C10orf90: variants seen among roughly 807,000 people sequenced by gnomAD.
The protein encoded by C10orf90 is chromosome 10 open reading frame 90, also known as (E2-independent) E3 ubiquitin-conjugating enzyme FATS.
Under a neutral mutation model 62.5 loss-of-function variants are expected in C10orf90, and 56 were observed. The observed-to-expected ratio is 0.90, with a 90% CI of 0.72 to 1.12. C10orf90 has a LOEUF of 1.12. Among genes scored for constraint, C10orf90 ranks in the 50% most tolerant of loss-of-function variants. The probability of loss-of-function intolerance (pLI) is 0.00; values close to 1 mark genes in which losing one functional copy is unlikely to be tolerated. For synonymous variants in C10orf90, 386 were observed against 340.4 expected (o/e 1.13, Z -1.47); for missense variants, 970 against 880.4 (o/e 1.10, Z -1.29).
intron 2 of C10orf90, among the ~76,000 whole-genome samples, chr10:126,519,733 G>A (rs1863638018): frequency 6.6e-6 from 1 of 152,074 alleles, no homozygotes; most frequent in African/African-American, 2.4e-5. Flanking sequence ...AGTTTCTCTG[G>A]GAAGTCTTCC....
intron 2 of C10orf90, among the ~76,000 whole-genome samples, chr10:126,594,597 A>C (rs532669853): frequency 6.6e-6 from 1 of 152,222 alleles, no homozygotes; most frequent in Non-Finnish European, 1.5e-5. Flanking sequence ...ATATATAAAT[A>C]AGTAATTCAG....
intron 4 of C10orf90, among the ~76,000 whole-genome samples, chr10:126,489,208 A>G (rs1861590802): frequency 6.6e-6 from 1 of 152,186 alleles, no homozygotes. Flanking sequence ...TCCTGGAAAT[A>G]GTTAATGTAA....
intron 2 of C10orf90, among the ~76,000 whole-genome samples, chr10:126,635,881 C>T (rs1350671591): frequency 6.9e-6 from 1 of 144,678 alleles, no homozygotes; most frequent in African/African-American, 2.6e-5. Flanking sequence ...GTGATCTGTA[C>T]TCACTCCAAA....
chr10:126,498,887 G>A (rs1327031279), intron 4 of C10orf90, among the ~76,000 whole-genome samples: 1 of 152,178 alleles, frequency 6.6e-6, no homozygotes, highest in East Asian at 1.9e-4. Flanking sequence ...GCCCAGTCCT[G>A]CTTCCCTTCC....
At chr10:126,562,128 G>C (rs1369214239) in intron 2 of C10orf90, among the ~76,000 whole-genome samples, 1 of 152,160 alleles carries the variant, frequency 6.6e-6, no homozygotes, top group Non-Finnish European at 1.5e-5. Context: ...GCAGCTTCCT[G>C]CCGGCGTTAG....
In C10orf90 at chr10:126,504,779, T is replaced by C. The variant is rs1815356975; in HGVS notation, c.712A>G (p.Thr238Ala). 6.3e-7 allele frequency: 1 copy of C among 1,584,754 alleles called. No individual in the cohort carries two copies. The highest frequency in any genetic ancestry group is 8.6e-7 in the Non-Finnish European group (1 of 1,165,130). The change falls in exon 4 of 10, where the codon ACC becomes GCC. Residue 238 changes from threonine to alanine, a missense_variant. Transcript: ENST00000488181. The surrounding 1 kb of genome is among the most constrained non-coding windows in gnomAD (Gnocchi z 4.1). ...GGGCCCACGCGTCTGGCCGTGATGG[T>C]GATGGATGCAAACCCTCTGCGGGGG... ...GGPRRGFASI[T>A]ITARRVGPPA...
chr10:126,509,706 C>T (rs942200368), intron 3 of C10orf90, among the ~76,000 whole-genome samples: 7 of 152,106 alleles, frequency 4.6e-5, no homozygotes, highest in East Asian at 3.9e-4. Flanking sequence ...ACAACAAACT[C>T]GGAGATATTG....
intron 2 of C10orf90, among the ~76,000 whole-genome samples, chr10:126,554,729 G>T (rs1028016001): frequency 6.6e-6 from 1 of 152,136 alleles, no homozygotes; most frequent in Non-Finnish European, 1.5e-5. Flanking sequence ...AGCTAAAAAC[G>T]ACTTCTGATT....
intron 2 of C10orf90, among the ~76,000 whole-genome samples, chr10:126,627,739 G>A (rs1306550437): frequency 2.0e-5 from 3 of 152,156 alleles, no homozygotes; most frequent in African/African-American, 7.2e-5. Context: ...CAACTCCTAG[G>A]TACTCAGCAG....
intron 4 of C10orf90, among the ~76,000 whole-genome samples, chr10:126,488,716 T>C (rs1187162116): frequency 1.3e-5 from 2 of 152,156 alleles, no homozygotes; most frequent in Non-Finnish European, 2.9e-5. Flanking sequence ...CTATGAACTT[T>C]ATGCCAATAA....
At chr10:126,639,340 C>T (rs1188735302) in intron 2 of C10orf90, among the ~76,000 whole-genome samples, 1 of 152,174 alleles carries the variant, frequency 6.6e-6, no homozygotes, top group Non-Finnish European at 1.5e-5. Flanking sequence ...GATACTCAGG[C>T]CTCTTAACGA....
chr10:126,489,996 A>T (rs28679844), intron 4 of C10orf90, among the ~76,000 whole-genome samples: 2 of 100,606 alleles, frequency 2.0e-5, no homozygotes, highest in South Asian at 6.0e-4. Context: ...TATAATATAT[A>T]TTATATATTA....
At chr10:126,610,157 T>C (rs1845402242) in intron 2 of C10orf90, among the ~76,000 whole-genome samples, 1 of 152,180 alleles carries the variant, frequency 6.6e-6, no homozygotes, top group African/African-American at 2.4e-5. Flanking sequence ...GCATGGACCA[T>C]GTCCACAGGG....
At chr10:126,531,773 T>C (rs1864101765) in intron 2 of C10orf90, among the ~76,000 whole-genome samples, 2 of 152,124 alleles carry the variant, frequency 1.3e-5, no homozygotes, top group Admixed American at 1.3e-4. Context: ...AAAAAGAAGG[T>C]AAATTAGACT....
intron 2 of C10orf90, among the ~76,000 whole-genome samples, chr10:126,578,018 AT>A (rs1211841790): frequency 6.6e-6 from 1 of 152,206 alleles, no homozygotes; most frequent in African/African-American, 2.4e-5. Context: ...AAAGGTAACA[AT>A]CAGTAAATAA....
At position 126,504,248 on chromosome 10, in the gene C10orf90, C is replaced by A. The variant is rs753115982; in HGVS notation, c.1243G>T (p.Ala415Ser). The stretch of plus-strand genomic sequence containing the variant: ...CCCTCCAGGAGCTCCTGCTTCAGGG[C>A]TTCGCTTATTGGCTCTCTGTTCACT... Reference protein sequence around the residue: ...GLVNREPISEALKQELLEGDQ... With the variant: ...GLVNREPISESLKQELLEGDQ... The change falls in exon 4 of 10, where the codon GCC (alanine) becomes TCC (serine). Residue 415 changes from alanine to serine, a missense_variant. Physicochemically the swap from Ala to Ser is moderately conservative, Grantham distance 99. Transcript: ENST00000488181. The surrounding 1 kb of genome is among the most constrained non-coding windows in gnomAD (Gnocchi z 4.1). 6.2e-7 allele frequency: 1 copy of A among 1,614,184 alleles called. No homozygotes were observed. Among genetic ancestry groups the A allele is most frequent in the Non-Finnish European group, 8.5e-7 (1 of 1,180,034 alleles).
intron 2 of C10orf90, among the ~76,000 whole-genome samples, chr10:126,527,054 T>C (rs1223380634): frequency 6.6e-6 from 1 of 152,172 alleles, no homozygotes; most frequent in Non-Finnish European, 1.5e-5. Flanking sequence ...GTGATATATG[T>C]GTTCTATTCT....
intron 2 of C10orf90, among the ~76,000 whole-genome samples, chr10:126,593,570 A>G (rs891525391): frequency 1.3e-5 from 2 of 152,264 alleles, no homozygotes; most frequent in Middle Eastern, 3.4e-3. Flanking sequence ...GAGGGAGAAC[A>G]TCAGGAAGAA....
At chr10:126,454,454 G>A (rs556634265) in intron 7 of C10orf90, among the ~76,000 whole-genome samples, 15 of 151,766 alleles carry the variant, frequency 9.9e-5, no homozygotes, top group Admixed American at 5.9e-4. Context: ...TACCTACAAG[G>A]GCTGTACCTT....
Sources: allele counts gnomAD v4.1 joint callset (sites outside exome capture counted in the v4.1 genomes callset), GRCh38; gene constraint gnomAD v4.1.1; non-coding constraint Gnocchi (gnomAD v3.1); transcripts MANE v1.5; gene names NCBI Gene and HGNC (gene_info 2026-07-23, HGNC 2026-07-21).